CACNB4: variants seen among roughly 807,000 people sequenced by gnomAD.
CACNB4 encodes voltage-dependent L-type calcium channel subunit beta-4.
CACNB4 carries 32 observed loss-of-function variants against 71.2 expected under a neutral mutation model. That is an observed-to-expected ratio of 0.45 (90% CI 0.34 to 0.60). CACNB4 has a LOEUF of 0.60. CACNB4 is among the 20% of genes least tolerant of loss of function. CACNB4 has a pLI of 0.01. For missense variants in CACNB4, 464 were observed against 647.9 expected (o/e 0.72, Z 3.08); for synonymous variants, 231 against 236.9 (o/e 0.97, Z 0.23).
chr2:152,016,052 G>A (rs1683326231), intron 2 of CACNB4, among the ~76,000 whole-genome samples: 1 of 152,182 alleles, frequency 6.6e-6, no homozygotes, highest in Non-Finnish European at 1.5e-5. Flanking sequence ...TCTGTAACAG[G>A]TTTTCTCTCC....
intron 8 of CACNB4, 94 bp from the exon 9 acceptor site, chr2:151,869,329 G>A: frequency 1.4e-6 from 1 of 739,852 alleles, no homozygotes. Context: ...AGGGTACTAT[G>A]AGCCAAGACC....
At chr2:152,010,094 G>A (rs1682970722) in intron 2 of CACNB4, among the ~76,000 whole-genome samples, 1 of 152,192 alleles carries the variant, frequency 6.6e-6, no homozygotes, top group Admixed American at 6.5e-5. Flanking sequence ...TCCAGATGTT[G>A]CGCTAACCTT....
intron 2 of CACNB4, among the ~76,000 whole-genome samples, chr2:151,980,912 T>G (rs995692888): frequency 6.6e-6 from 1 of 152,152 alleles, no homozygotes; most frequent in Non-Finnish European, 1.5e-5. Context: ...GGTTCTTGGT[T>G]TTTTAGTGTT....
At chr2:151,939,176 G>A (rs1049900589) in intron 2 of CACNB4, among the ~76,000 whole-genome samples, 15 of 152,228 alleles carry the variant, frequency 9.9e-5, no homozygotes, top group African/African-American at 3.6e-4. Context: ...CAGGAAGGCA[G>A]GGAGAAGAAA....
chr2:152,054,175 G>C (rs932775317), intron 2 of CACNB4, among the ~76,000 whole-genome samples: 1 of 151,556 alleles, frequency 6.6e-6, no homozygotes, highest in Non-Finnish European at 1.5e-5. Context: ...AGACCATCCT[G>C]GCTAACGCGG....
intron 12 of CACNB4, among the ~76,000 whole-genome samples, chr2:151,845,081 T>G (rs2151327023): frequency 1.3e-5 from 2 of 152,354 alleles, no homozygotes; most frequent in Middle Eastern, 6.8e-3. Context: ...GAATGAGGTT[T>G]ATATCTACTT....
intron 2 of CACNB4, among the ~76,000 whole-genome samples, chr2:151,945,628 G>A (rs2099865355): frequency 6.6e-6 from 1 of 152,120 alleles, no homozygotes; most frequent in African/African-American, 2.4e-5. Flanking sequence ...TCCAGCCTAG[G>A]TGACAGAGTG....
chr2:152,050,916 A>T (rs1293412589), intron 2 of CACNB4, among the ~76,000 whole-genome samples: 1 of 152,034 alleles, frequency 6.6e-6, no homozygotes, highest in East Asian at 1.9e-4. Context: ...CTGGGACTAC[A>T]GGTGCACGTC....
chr2:151,949,351 T>C (rs2099866334), intron 2 of CACNB4, among the ~76,000 whole-genome samples: 1 of 151,982 alleles, frequency 6.6e-6, no homozygotes, highest in Admixed American at 6.6e-5. Flanking sequence ...TTACGGAGCC[T>C]AGTAAAAGAT....
At chr2:152,070,978 G>C (rs2105371319) in intron 2 of CACNB4, among the ~76,000 whole-genome samples, 1 of 152,320 alleles carries the variant, frequency 6.6e-6, no homozygotes, top group South Asian at 2.1e-4. Flanking sequence ...TGTTGGCCTG[G>C]CTGGTCTCAA....
At chr2:151,953,661 C>G (rs986898281) in intron 2 of CACNB4, among the ~76,000 whole-genome samples, 1 of 152,164 alleles carries the variant, frequency 6.6e-6, no homozygotes, top group Non-Finnish European at 1.5e-5. Context: ...CAAAGTCCAT[C>G]CTCTTACTCT....
intron 2 of CACNB4, among the ~76,000 whole-genome samples, chr2:152,090,943 C>T (rs1687936199): frequency 6.6e-6 from 1 of 151,420 alleles, no homozygotes. Context: ...ACTCGGGAGG[C>T]TGACGCAGGA....
intron 2 of CACNB4, among the ~76,000 whole-genome samples, chr2:152,059,640 C>T (rs1685903796): frequency 6.6e-6 from 1 of 152,174 alleles, no homozygotes; most frequent in Non-Finnish European, 1.5e-5. Flanking sequence ...GCAGAAGGGA[C>T]TTGCATTGTC....
chr2:152,070,910 G>A (rs1401910464), intron 2 of CACNB4, among the ~76,000 whole-genome samples: 2 of 152,164 alleles, frequency 1.3e-5, no homozygotes. Flanking sequence ...TGGGACTACA[G>A]GCACACACCA....
intron 2 of CACNB4, among the ~76,000 whole-genome samples, chr2:151,956,197 G>A (rs1435258959): frequency 6.6e-6 from 1 of 152,162 alleles, no homozygotes; most frequent in African/African-American, 2.4e-5. Flanking sequence ...ATTTTGATGT[G>A]ACTGGTGAAG....
chr2:151,938,739 C>T (rs528591981), intron 2 of CACNB4, among the ~76,000 whole-genome samples: 1 of 152,204 alleles, frequency 6.6e-6, no homozygotes, highest in Non-Finnish European at 1.5e-5. Flanking sequence ...ACCCCCAATA[C>T]ACAAAAATAA....
At chr2:151,949,388 T>G (rs1389975412) in intron 2 of CACNB4, among the ~76,000 whole-genome samples, 5 of 152,016 alleles carry the variant, frequency 3.3e-5, no homozygotes, top group Non-Finnish European at 7.4e-5. Context: ...GGAGTTAAAG[T>G]GCAGAGGAAA....
At chr2:151,871,162 A>G (rs967897224) in intron 6 of CACNB4, 7 of 430,250 alleles carry the variant, frequency 1.6e-5, no homozygotes, top group Non-Finnish European at 2.9e-5. Context: ...GCCAATCACC[A>G]TGGGTTGTTC....
At chr2:151,895,094 CCCCA>C (rs1336262044) in intron 2 of CACNB4, among the ~76,000 whole-genome samples, 3,450 of 132,762 alleles carry the variant, frequency 0.026, 149 homozygotes, top group African/African-American at 0.037. Flanking sequence ...ACTCAAATAG[CCCCA>C]CACACACACA....
Sources: allele counts gnomAD v4.1 joint callset (sites outside exome capture counted in the v4.1 genomes callset), GRCh38; gene constraint gnomAD v4.1.1; transcripts MANE v1.5; gene names NCBI Gene and HGNC (gene_info 2026-07-23, HGNC 2026-07-21).